PDE4D: variants seen among roughly 807,000 people sequenced by gnomAD.
PDE4D encodes the protein 3',5'-cyclic-AMP phosphodiesterase 4D.
PDE4D carries 24 observed loss-of-function variants against 87.4 expected under a neutral mutation model. That is an observed-to-expected ratio of 0.27 (90% CI 0.20 to 0.39). The LOEUF is 0.39. Ranked by LOEUF, PDE4D falls within the 10% of genes least tolerant of loss-of-function variation. The pLI, the probability that PDE4D is intolerant of heterozygous loss-of-function variation, is 1.00. For missense variants in PDE4D, 714 were observed against 1,041.0 expected, an observed-to-expected ratio of 0.69 and a Z score of 4.32; for synonymous variants, 384 against 383.2, an observed-to-expected ratio of 1.00 and a Z score of -0.02.
chr5:59,955,501 C>T (rs1311452359), intron 3 of PDE4D, among the ~76,000 whole-genome samples: 1 of 152,214 alleles, frequency 6.6e-6, no homozygotes, highest in Non-Finnish European at 1.5e-5. Context: ...GAATATCACA[C>T]AAATTGGCCT....
At chr5:60,023,488 T>C (rs1353335803) in intron 2 of PDE4D, among the ~76,000 whole-genome samples, 1 of 152,180 alleles carries the variant, frequency 6.6e-6, no homozygotes, top group African/African-American at 2.4e-5. Flanking sequence ...TTTTCTTATC[T>C]GTCTTCATTT....
intron 2 of PDE4D, among the ~76,000 whole-genome samples, chr5:60,009,309 ACTTTC>A (rs1413286108): frequency 6.6e-6 from 1 of 152,020 alleles, no homozygotes; most frequent in Non-Finnish European, 1.5e-5. Context: ...GGTGATCATC[ACTTTC>A]CTTTCTAAAG....
chr5:59,603,887 G>A (rs1827841853), intron 1 of PDE4D, among the ~76,000 whole-genome samples: 1 of 151,958 alleles, frequency 6.6e-6, no homozygotes, highest in South Asian at 2.1e-4. Context: ...CTTGAAAAAT[G>A]TTAACAGAGT....
At chr5:59,867,221 T>C (rs2152733356) in intron 1 of PDE4D, among the ~76,000 whole-genome samples, 1 of 152,198 alleles carries the variant, frequency 6.6e-6, no homozygotes, top group African/African-American at 2.4e-5. Flanking sequence ...GAAGAAGATC[T>C]TCAAGAGTCA....
chr5:59,802,239 CA>C (rs1767215561), intron 1 of PDE4D, among the ~76,000 whole-genome samples: 1 of 113,944 alleles, frequency 8.8e-6, no homozygotes, highest in Admixed American at 8.1e-5. Context: ...TTTTTGTTTT[CA>C]TTTTTTTTTT....
At chr5:60,291,081 C>T (rs114705333) in intron 1 of PDE4D, among the ~76,000 whole-genome samples, 132 of 152,260 alleles carry the variant, frequency 8.7e-4, no homozygotes, top group African/African-American at 3.0e-3. Flanking sequence ...TCCTGTTTAT[C>T]CAAAGAGCAA....
At chr5:60,274,624 G>C (rs545519797) in intron 1 of PDE4D, among the ~76,000 whole-genome samples, 40 of 152,290 alleles carry the variant, frequency 2.6e-4, no homozygotes, top group Admixed American at 1.6e-3. Flanking sequence ...GCCTCCCAAA[G>C]TGCTGGGATC....
At chr5:59,130,322 C>T (rs1334563697) in intron 5 of PDE4D, among the ~76,000 whole-genome samples, 6 of 152,132 alleles carry the variant, frequency 3.9e-5, no homozygotes, top group African/African-American at 4.8e-5. Flanking sequence ...TGAGATAAGA[C>T]GCCAAATCAA....
intron 1 of PDE4D, among the ~76,000 whole-genome samples, chr5:59,889,754 T>C (rs947120948): frequency 6.6e-6 from 1 of 152,212 alleles, no homozygotes; most frequent in Non-Finnish European, 1.5e-5. Context: ...ATTAATCTGA[T>C]ATGTACATTT....
At chr5:60,502,180 T>G (rs1271505476) in intron 1 of PDE4D, among the ~76,000 whole-genome samples, 2 of 152,146 alleles carry the variant, frequency 1.3e-5, no homozygotes, top group East Asian at 3.8e-4. Flanking sequence ...AATTTTTGTA[T>G]AAGGTGTAAG....
chr5:59,956,072 G>T (rs1215009801), intron 3 of PDE4D, among the ~76,000 whole-genome samples: 1 of 152,164 alleles, frequency 6.6e-6, no homozygotes, highest in Non-Finnish European at 1.5e-5. Flanking sequence ...AAAGGCAATT[G>T]ATCGGATTCT....
At chr5:59,422,067 C>T (rs1402846408) in intron 1 of PDE4D, among the ~76,000 whole-genome samples, 1 of 152,034 alleles carries the variant, frequency 6.6e-6, no homozygotes, top group Non-Finnish European at 1.5e-5. Context: ...GAGACAAGAA[C>T]CCAGTAAGAG....
chr5:59,342,527 T>C (rs1393084872), intron 1 of PDE4D, among the ~76,000 whole-genome samples: 1 of 152,154 alleles, frequency 6.6e-6, no homozygotes, highest in Non-Finnish European at 1.5e-5. Flanking sequence ...ATATATAAAT[T>C]GAAATGTTGA....
chr5:60,091,083 C>T (rs1775064587), intron 2 of PDE4D, among the ~76,000 whole-genome samples: 1 of 152,124 alleles, frequency 6.6e-6, no homozygotes, highest in African/African-American at 2.4e-5. Context: ...TGGAAGAACA[C>T]TGGTCTGGGC....
At chr5:60,084,976 C>A (rs544725030) in intron 2 of PDE4D, among the ~76,000 whole-genome samples, 1 of 152,154 alleles carries the variant, frequency 6.6e-6, no homozygotes, top group South Asian at 2.1e-4. Context: ...AGCGTCCATG[C>A]CTTATTTAGG....
chr5:60,300,098 G>A (rs1753764912), intron 1 of PDE4D, among the ~76,000 whole-genome samples: 1 of 152,086 alleles, frequency 6.6e-6, no homozygotes, highest in African/African-American at 2.4e-5. Flanking sequence ...TGTCCTGACT[G>A]GTGTGAGATA....
chr5:60,342,652 C>A (rs1052160596), intron 1 of PDE4D, among the ~76,000 whole-genome samples: 4 of 151,168 alleles, frequency 2.6e-5, no homozygotes, highest in Admixed American at 2.0e-4. Flanking sequence ...TCCTTGAGAT[C>A]AATAAATGTT....
chr5:59,308,561 C>T (rs1406165002), intron 1 of PDE4D, among the ~76,000 whole-genome samples: 1 of 151,930 alleles, frequency 6.6e-6, no homozygotes, highest in East Asian at 1.9e-4. Context: ...GATAGGGCCC[C>T]AGTCCCTTCT....
intron 1 of PDE4D, among the ~76,000 whole-genome samples, chr5:60,255,674 T>C (rs1469899386): frequency 6.6e-6 from 1 of 151,778 alleles, no homozygotes; most frequent in Non-Finnish European, 1.5e-5. Context: ...ATCAACATCA[T>C]CATTATCACC....
Sources: gnomAD v4.1 joint callset for allele counts (sites outside exome capture counted in the v4.1 genomes callset) on GRCh38, gnomAD v4.1.1 for gene constraint, MANE v1.5 for transcripts, NCBI Gene and HGNC (gene_info 2026-07-23, HGNC 2026-07-21) for gene names.